The following GABRG1 variants were observed in gnomAD, a reference collection of about 807,000 sequenced individuals.
The protein encoded by GABRG1 is gamma-aminobutyric acid type A receptor subunit gamma1.
GABRG1 carries 49 observed loss-of-function variants against 49.8 expected under a neutral mutation model. The ratio of observed to expected loss-of-function variants is 0.98; its 90% CI spans 0.78 to 1.25. GABRG1 has a LOEUF of 1.25. Among genes scored for constraint, GABRG1 ranks in the 50% most tolerant of loss-of-function variants. GABRG1 has a pLI of 0.00. For synonymous variants in GABRG1, 232 were observed against 185.1 expected (o/e 1.25, Z -2.06); for missense variants, 552 against 552.3 (o/e 1.00, Z 0.01).
At chr4:46,106,453 A>C (rs764166310) in intron 1 of GABRG1, among the ~76,000 whole-genome samples, 4 of 151,566 alleles carry the variant, frequency 2.6e-5, no homozygotes, top group Admixed American at 6.6e-5. Context: ...AAAGACTTTG[A>C]CAAAGAGTTA....
intron 8 of GABRG1, among the ~76,000 whole-genome samples, chr4:46,050,324 T>G (rs1178030721): frequency 6.6e-6 from 1 of 151,880 alleles, no homozygotes; most frequent in Non-Finnish European, 1.5e-5. Flanking sequence ...TACACCAGGT[T>G]TTTCTCTTGG....
intron 1 of GABRG1, among the ~76,000 whole-genome samples, chr4:46,111,381 T>C (rs1158282021): frequency 6.6e-6 from 1 of 151,220 alleles, no homozygotes; most frequent in African/African-American, 2.4e-5. Context: ...CGTTCATGGA[T>C]TGGAATAAAC....
chr4:46,036,662 A>G lies in GABRG1; in HGVS notation c.*4326T>C, dbSNP rs1201155464. ...TTTCTATTTGGGCCTATCATCCCCC[A>G]TCTCCGCTGAAGACTTGTGTCACAA... On this transcript the variant is annotated 3_prime_UTR_variant, in exon 9 of 9. Coordinates refer to ENST00000295452, the MANE Select transcript of GABRG1 (RefSeq NM_173536.4). 11 of 152,028 alleles carry G rather than the reference A, an allele frequency of 7.2e-5. No homozygotes were observed. The East Asian group carries it at 2.1e-3, about 29-fold the overall frequency. 9.4% of individuals were successfully genotyped at this position (152,028 alleles called of 1,614,324 possible).
chr4:46,104,345 A>G (rs1327753087), intron 1 of GABRG1, among the ~76,000 whole-genome samples: 1 of 151,554 alleles, frequency 6.6e-6, no homozygotes, highest in East Asian at 1.9e-4. Flanking sequence ...TTTAAGAAAC[A>G]AAACGCTCTA....
intron 4 of GABRG1, among the ~76,000 whole-genome samples, chr4:46,064,852 G>T (rs567441538): frequency 6.6e-6 from 1 of 151,964 alleles, no homozygotes; most frequent in Non-Finnish European, 1.5e-5. Flanking sequence ...GATTATAAAT[G>T]GTTAAGTATG....
Position 46,058,283 on chromosome 4 carries a change from TC to T in GABRG1, c.849del (p.Thr284GlnfsTer28). Reference protein sequence around the residue: ...FTIQTYIPCILTVVLSWVSFW... With the variant: ...FTIQTYIPCIXTVVLSWVSFW... ...AAAGACACCCAAGAAAGAACAACTG[TC>T]AGAATGCATGGAATGTAGGTCTGAA... On this transcript the variant is annotated frameshift_variant, in exon 7 of 9. Coordinates refer to ENST00000295452, the MANE Select transcript of GABRG1 (RefSeq NM_173536.4). LOFTEE classifies it high-confidence loss of function. The T allele has an allele frequency of 2.5e-6, 4 of 1,613,366 alleles. No homozygotes were observed. Among genetic ancestry groups the T allele is most frequent in the Non-Finnish European group, 3.4e-6 (4 of 1,179,566 alleles).
At chr4:46,058,184 T>G (rs775153115) in intron 7 of GABRG1, 33 bp downstream of exon 7, 3 of 1,571,326 alleles carry the variant, frequency 1.9e-6, no homozygotes, top group Non-Finnish European at 2.6e-6. Context: ...TTTAAAGTTC[T>G]ATGGCATTAT....
intron 7 of GABRG1, among the ~76,000 whole-genome samples, chr4:46,056,154 A>AT (rs1718432467): frequency 7.4e-5 from 2 of 26,994 alleles, no homozygotes; most frequent in South Asian, 8.4e-4. Flanking sequence ...AATAAATTAA[A>AT]AAAAAAAAAA....
At chr4:46,046,233 T>A (rs923781615) in intron 8 of GABRG1, among the ~76,000 whole-genome samples, 1 of 152,122 alleles carries the variant, frequency 6.6e-6, no homozygotes, top group African/African-American at 2.4e-5. Flanking sequence ...TCTGGTCCCT[T>A]TCTGCTGTGA....
Position 46,051,608 on chromosome 4 carries a change from A to C in GABRG1, c.947T>G (p.Leu316Arg). Residue 316 changes from leucine to arginine, a missense_variant, in exon 8 of 9, where the codon CTG (leucine) becomes CGG (arginine). By Grantham distance (102) the Leu-to-Arg change is moderately radical. Coordinates refer to ENST00000295452, the MANE Select transcript of GABRG1 (RefSeq NM_173536.4). ...GITTVLTMTTLSTIARKSLPK... is the reference protein window; with the variant it reads ...GITTVLTMTTRSTIARKSLPK... ...TAAAGACTTCCTGGCAATTGTACTCAGGGTTGTCATAGTCAGAACTGTAGT... is the reference window on the plus strand; with the variant it reads ...TAAAGACTTCCTGGCAATTGTACTCCGGGTTGTCATAGTCAGAACTGTAGT... 1 of 1,610,262 alleles carries C rather than the reference A, an allele frequency of 6.2e-7. No homozygotes were observed. Among genetic ancestry groups the C allele is most frequent in the Non-Finnish European group, 8.5e-7 (1 of 1,177,290 alleles).
chr4:46,058,163 C>G, intron 7 of GABRG1, 54 bp downstream of exon 7: 1 of 1,509,500 alleles, frequency 6.6e-7, no homozygotes, highest in Non-Finnish European at 9.0e-7. Context: ...TTTATCACAT[C>G]AAAATGATTT....
At chr4:46,081,937 G>A (rs1021114658) in intron 3 of GABRG1, among the ~76,000 whole-genome samples, 1 of 151,802 alleles carries the variant, frequency 6.6e-6, no homozygotes, top group Non-Finnish European at 1.5e-5. Context: ...ATAGATCTTG[G>A]ACTTCTGGCC....
chr4:46,065,313 T>C (rs112141666), intron 4 of GABRG1, 51 bp downstream of exon 4: 13 of 1,244,658 alleles, frequency 1.0e-5, no homozygotes, highest in African/African-American at 4.6e-5. Flanking sequence ...TGATTAAATA[T>C]TAGTATGGAA....
chr4:46,120,133 T>C (rs919878464), intron 1 of GABRG1, among the ~76,000 whole-genome samples: 1 of 151,678 alleles, frequency 6.6e-6, no homozygotes, highest in Non-Finnish European at 1.5e-5. Flanking sequence ...AACTGGAATT[T>C]AGATCTGTTG....
At chr4:46,090,935 CACACACACACACACACACAT>C (rs956376740) in intron 2 of GABRG1, among the ~76,000 whole-genome samples, 4 of 87,120 alleles carry the variant, frequency 4.6e-5, no homozygotes, top group African/African-American at 3.5e-4. Flanking sequence ...CCCTGGAATA[CACACACACACACACACACAT>C]ACACACACAC....
chr4:46,061,280 T>A (rs1309682348), intron 5 of GABRG1, among the ~76,000 whole-genome samples: 1 of 152,002 alleles, frequency 6.6e-6, no homozygotes. Flanking sequence ...GTGAGGTAGA[T>A]CATTAATATA....
chr4:46,088,435 T>C (rs1719861093), intron 2 of GABRG1, among the ~76,000 whole-genome samples: 1 of 151,994 alleles, frequency 6.6e-6, no homozygotes, highest in Non-Finnish European at 1.5e-5. Context: ...CACAGAAATA[T>C]GGTATTTATT....
At chr4:46,118,626 A>G (rs945685604) in intron 1 of GABRG1, among the ~76,000 whole-genome samples, 1 of 151,054 alleles carries the variant, frequency 6.6e-6, no homozygotes, top group Non-Finnish European at 1.5e-5. Context: ...TTACCATTAT[A>G]TCTAGTTTCC....
At chr4:46,121,644 G>A (rs1278706617) in intron 1 of GABRG1, among the ~76,000 whole-genome samples, 1 of 129,440 alleles carries the variant, frequency 7.7e-6, no homozygotes, top group African/African-American at 4.3e-5. Context: ...CTTAAAGAAA[G>A]CATGCTTACA....
Sources: gnomAD v4.1 joint callset for allele counts (sites outside exome capture counted in the v4.1 genomes callset) on GRCh38, gnomAD v4.1.1 for gene constraint, MANE v1.5 for transcripts, NCBI Gene and HGNC (gene_info 2026-07-23, HGNC 2026-07-21) for gene names.